Variants in CHRM5 observed in about 807,000 individuals in gnomAD.
The protein encoded by CHRM5 is muscarinic acetylcholine receptor M5.
CHRM5 carries 18 observed loss-of-function variants against 39.0 expected under a neutral mutation model. That is an observed-to-expected ratio of 0.46 (90% CI 0.32 to 0.68). The LOEUF (loss-of-function observed/expected upper bound fraction) is 0.68, where lower values mean the gene tolerates loss of function less well. CHRM5 is among the 30% of genes least tolerant of loss of function. CHRM5 has a pLI of 0.04. For missense variants in CHRM5, 515 were observed against 651.1 expected, an observed-to-expected ratio of 0.79 and a Z score of 2.28; for synonymous variants, 241 against 246.3, an observed-to-expected ratio of 0.98 and a Z score of 0.20.
At chr15:34,013,218 C>T (rs1597349356) in intron 1 of CHRM5, among the ~76,000 whole-genome samples, 1 of 152,106 alleles carries the variant, frequency 6.6e-6, no homozygotes, top group Non-Finnish European at 1.5e-5. Flanking sequence ...CGCGCCACCA[C>T]GCCCAGCTAA....
chr15:34,051,314 C>A (rs950376126), intron 2 of CHRM5, among the ~76,000 whole-genome samples: 3 of 151,936 alleles, frequency 2.0e-5, no homozygotes, highest in Non-Finnish European at 4.4e-5. Flanking sequence ...GGACAAAGTA[C>A]CAAAATTTCT....
At chr15:34,042,438 T>G (rs931579864) in intron 1 of CHRM5, among the ~76,000 whole-genome samples, 1 of 150,656 alleles carries the variant, frequency 6.6e-6, no homozygotes, top group East Asian at 2.0e-4. Flanking sequence ...TTCGCACTTG[T>G]TGCCCAGGCT....
chr15:34,033,770 A>G (rs979179154), intron 1 of CHRM5, among the ~76,000 whole-genome samples: 2 of 152,274 alleles, frequency 1.3e-5, no homozygotes, highest in East Asian at 3.9e-4. Context: ...TCTTCACACT[A>G]CTAAAGAGTT....
intron 1 of CHRM5, among the ~76,000 whole-genome samples, chr15:34,000,900 G>A (rs1897112698): frequency 6.6e-6 from 1 of 151,932 alleles, no homozygotes; most frequent in Non-Finnish European, 1.5e-5. Flanking sequence ...TAAGCAAAGA[G>A]ACTACAAGAA....
intron 1 of CHRM5, among the ~76,000 whole-genome samples, chr15:34,020,517 G>T (rs758847766): frequency 1.3e-5 from 2 of 152,108 alleles, no homozygotes; most frequent in Non-Finnish European, 2.9e-5. Flanking sequence ...GTTAACTAAA[G>T]GGTTAATGCC....
At chr15:34,041,464 T>C (rs76247053) in intron 1 of CHRM5, among the ~76,000 whole-genome samples, 3,576 of 152,242 alleles carry the variant, frequency 0.023, 102 homozygotes, top group African/African-American at 0.06. Flanking sequence ...CAGTGGGAAA[T>C]AGGGCTTTAA....
At chr15:33,993,203 C>T (rs971703763) in intron 1 of CHRM5, among the ~76,000 whole-genome samples, 8 of 152,124 alleles carry the variant, frequency 5.3e-5, no homozygotes, top group Admixed American at 2.0e-4. Context: ...TTACTTTTTA[C>T]GTTTGAAGGT....
intron 1 of CHRM5, among the ~76,000 whole-genome samples, chr15:34,032,640 T>A (rs1898911091): frequency 6.6e-6 from 1 of 152,066 alleles, no homozygotes; most frequent in African/African-American, 2.4e-5. Context: ...TCAGAAAGAT[T>A]TTCCAAGGAG....
intron 2 of CHRM5, among the ~76,000 whole-genome samples, chr15:34,050,608 T>G (rs1238072180): frequency 2.0e-5 from 3 of 152,056 alleles, no homozygotes; most frequent in Non-Finnish European, 4.4e-5. Context: ...AAGAGACTCA[T>G]CTCATGTGTG....
chr15:34,042,389 G>C (rs995818340), intron 1 of CHRM5, among the ~76,000 whole-genome samples: 1 of 149,968 alleles, frequency 6.7e-6, no homozygotes, highest in African/African-American at 2.5e-5. Context: ...ATACATACAT[G>C]ACCTAAGTTT....
chr15:33,992,091 TAAAAAG>T (rs1896746641), intron 1 of CHRM5: 1 of 152,174 alleles, frequency 6.6e-6, no homozygotes, highest in African/African-American at 2.4e-5. Context: ...TGAAGGTTTT[TAAAAAG>T]AAAATCAGGC....
intron 1 of CHRM5, among the ~76,000 whole-genome samples, chr15:33,995,292 T>C (rs1206661646): frequency 6.6e-6 from 1 of 152,094 alleles, no homozygotes; most frequent in Non-Finnish European, 1.5e-5. Context: ...AAGAAAATTA[T>C]TTTAAAATAA....
intron 1 of CHRM5, among the ~76,000 whole-genome samples, chr15:33,982,192 T>G (rs1393417452): frequency 1.3e-5 from 2 of 152,062 alleles, no homozygotes; most frequent in Non-Finnish European, 2.9e-5. Context: ...TTTAACACAT[T>G]TGTTAACACC....
chr15:34,054,647 G>T (rs1008645224), intron 2 of CHRM5, among the ~76,000 whole-genome samples: 1 of 152,078 alleles, frequency 6.6e-6, no homozygotes, highest in Non-Finnish European at 1.5e-5. Context: ...GAACACAAGG[G>T]CACATCCAGG....
chr15:33,983,205 T>TAC, intron 1 of CHRM5, among the ~76,000 whole-genome samples: 1 of 26,024 alleles, frequency 3.8e-5, no homozygotes, highest in African/African-American at 1.9e-4. Context: ...TGTGTGTATA[T>TAC]ATATATATAC....
Position 34,059,861 on chromosome 15 carries a change from C to A in CHRM5, c.-75-2782C>A, listed in dbSNP as rs530763693. On this transcript the variant is annotated intron_variant, in intron 2 of 2. Transcript: ENST00000383263. Reference sequence around the variant, plus strand: ...CATGTTGCACCCCTGCTATTTCTATCTGCTAATTTATTTACATTCCCAACT... The same window carrying A: ...CATGTTGCACCCCTGCTATTTCTATATGCTAATTTATTTACATTCCCAACT... Among the ~76,000 whole-genome samples, 19 of 152,352 alleles carry A rather than the reference C, an allele frequency of 1.2e-4. No individual in the cohort carries two copies. In the South Asian group the frequency reaches 3.7e-3, roughly 30 times the overall value.
chr15:34,031,168 A>ATTTTTT (rs34414446), intron 1 of CHRM5, among the ~76,000 whole-genome samples: 705 of 67,544 alleles, frequency 0.01, 32 homozygotes, highest in African/African-American at 0.022. Flanking sequence ...GCTTAGGTTA[A>ATTTTTT]TTTTTTTTTT....
intron 1 of CHRM5, among the ~76,000 whole-genome samples, chr15:34,025,657 C>T (rs1028229182): frequency 1.3e-5 from 2 of 152,106 alleles, no homozygotes; most frequent in African/African-American, 4.8e-5. Flanking sequence ...AGGAAATACA[C>T]ATTGAAGTGT....
chr15:33,978,399 C>T (rs1049636171), intron 1 of CHRM5, among the ~76,000 whole-genome samples: 22 of 152,178 alleles, frequency 1.4e-4, no homozygotes, highest in Non-Finnish European at 2.9e-5. Flanking sequence ...CACGATGGCT[C>T]ACGCCTGTAA....
Sources: allele counts gnomAD v4.1 joint callset (sites outside exome capture counted in the v4.1 genomes callset), GRCh38; gene constraint gnomAD v4.1.1; transcripts MANE v1.5; gene names NCBI Gene and HGNC (gene_info 2026-07-23, HGNC 2026-07-21).